Variants in VMP1 observed in about 807,000 individuals in gnomAD.
VMP1 encodes ectopic P-granules autophagy protein 3 homolog.
In VMP1, 11 loss-of-function variants were observed where a neutral mutation model predicts 56.0. That is an observed-to-expected ratio of 0.20 (90% CI 0.12 to 0.32). The LOEUF (loss-of-function observed/expected upper bound fraction) is 0.32. Among genes scored for constraint, VMP1 ranks in the 10% least tolerant of loss-of-function variants. The pLI is 1.00. For synonymous variants in VMP1, 149 were observed against 165.0 expected (o/e 0.90, Z 0.74); for missense variants, 296 against 490.3 (o/e 0.60, Z 3.74).
At chr17:59,805,809 A>G (rs1202605284) in intron 7 of VMP1, among the ~76,000 whole-genome samples, 1 of 152,150 alleles carries the variant, frequency 6.6e-6, no homozygotes, top group African/African-American at 2.4e-5. Flanking sequence ...ATGCTGATAG[A>G]AAAATATTCC....
At chr17:59,746,527 C>G (rs938951395) in intron 5 of VMP1, among the ~76,000 whole-genome samples, 1 of 152,136 alleles carries the variant, frequency 6.6e-6, no homozygotes, top group Non-Finnish European at 1.5e-5. Flanking sequence ...TCTTAGAAGT[C>G]CTCATCACTT....
chr17:59,779,701 A>C (rs1365094880), intron 7 of VMP1, among the ~76,000 whole-genome samples: 5 of 152,206 alleles, frequency 3.3e-5, no homozygotes, highest in Non-Finnish European at 5.9e-5. Context: ...TTAAACTAAG[A>C]AAAGTCATTC....
At chr17:59,818,186 C>A (rs1302219067) in intron 10 of VMP1, among the ~76,000 whole-genome samples, 3 of 152,068 alleles carry the variant, frequency 2.0e-5, no homozygotes. Flanking sequence ...AAATGTAAAT[C>A]TTACATAAAA....
chr17:59,736,033 A>G (rs2035003435), intron 3 of VMP1, among the ~76,000 whole-genome samples: 2 of 152,214 alleles, frequency 1.3e-5, no homozygotes, highest in Non-Finnish European at 2.9e-5. Flanking sequence ...TATTGTACTA[A>G]GAGTTTATAA....
intron 7 of VMP1, among the ~76,000 whole-genome samples, chr17:59,776,983 G>A (rs2036639082): frequency 1.3e-5 from 2 of 151,874 alleles, no homozygotes; most frequent in Non-Finnish European, 2.9e-5. Flanking sequence ...TTACATCTCT[G>A]GCTTGCCTTC....
In VMP1 at chr17:59,839,917, G is replaced by T; in HGVS notation, c.*6G>T. Reference sequence around the variant, plus strand: ...CAGAGGAGAAAACTAAATAAGTAGAGAAAGTTTTAAACTGCAGAAATTGGA... The same window carrying T: ...CAGAGGAGAAAACTAAATAAGTAGATAAAGTTTTAAACTGCAGAAATTGGA... On this transcript the variant is annotated 3_prime_UTR_variant, in exon 12 of 12. Transcript: ENST00000262291. The T allele has an allele frequency of 6.2e-7, 1 of 1,609,980 alleles. No individual in the cohort carries two copies. Among genetic ancestry groups the T allele is most frequent in the Non-Finnish European group, 8.5e-7 (1 of 1,179,242 alleles).
intron 7 of VMP1, among the ~76,000 whole-genome samples, chr17:59,801,177 T>G (rs997799134): frequency 2.7e-5 from 4 of 148,030 alleles, no homozygotes; most frequent in African/African-American, 9.8e-5. Flanking sequence ...ATATAGTACA[T>G]AATACTTGAT....
chr17:59,738,948 G>T lies in VMP1; in HGVS notation c.414+1G>T. The T allele has an allele frequency of 6.3e-7, 1 of 1,575,852 alleles. No homozygotes were observed. Among genetic ancestry groups the T allele is most frequent in the Non-Finnish European group, 8.6e-7 (1 of 1,165,768 alleles). On this transcript the variant is annotated splice_donor_variant, in intron 5 of 11. Coordinates refer to ENST00000262291, the MANE Select transcript of VMP1 (RefSeq NM_030938.5). LOFTEE classifies it high-confidence loss of function. Reference sequence around the variant, plus strand: ...GCTGCACACCTTTCTGCTTTATCTGGTAAGAATAATTTTATTTTAATAAGC... The same window carrying T: ...GCTGCACACCTTTCTGCTTTATCTGTTAAGAATAATTTTATTTTAATAAGC...
intron 10 of VMP1, among the ~76,000 whole-genome samples, chr17:59,819,895 A>G (rs2038379927): frequency 6.6e-6 from 1 of 152,214 alleles, no homozygotes; most frequent in African/African-American, 2.4e-5. Context: ...GAAGTTTTTC[A>G]GCTACTCCTG....
intron 5 of VMP1, among the ~76,000 whole-genome samples, chr17:59,747,483 C>T (rs1474675727): frequency 2.0e-5 from 3 of 150,288 alleles, no homozygotes; most frequent in Admixed American, 6.7e-5. Flanking sequence ...AATCTCGGCT[C>T]GCCACAACTT....
In VMP1 at chr17:59,825,077, A is replaced by AT. The variant is rs747807694; in HGVS notation, c.974+7331dup. Among the ~76,000 whole-genome samples, 524 of 70,102 alleles carry AT rather than the reference A, an allele frequency of 7.5e-3. 14 individuals are homozygous for AT. The highest frequency in any genetic ancestry group is 0.017 in the Middle Eastern group (2 of 120). 46.0% of individuals were successfully genotyped at this position (70,102 alleles called of 152,430 possible). ...CTCAAAAGGCATTATGTTAGTTGTG[A>AT]TTTTTTTTTTTTTTTTTTTTTTTTT... On this transcript the variant is annotated intron_variant, in intron 10 of 11. Coordinates refer to ENST00000262291, the MANE Select transcript of VMP1 (RefSeq NM_030938.5).
At chr17:59,730,442 C>T (rs1032892243) in intron 1 of VMP1, among the ~76,000 whole-genome samples, 4 of 152,026 alleles carry the variant, frequency 2.6e-5, no homozygotes, top group Non-Finnish European at 4.4e-5. Flanking sequence ...ATTTATTTAT[C>T]TTATGTAGGA....
rs191624991 is a variant in VMP1 at position 59,795,114 on chromosome 17, T to A, written c.715-13682T>A. 3.3e-3 allele frequency among the ~76,000 whole-genome samples: 507 copies of A among 151,762 alleles called. 6 individuals carry two copies. The highest frequency in any genetic ancestry group is 6.8e-3 in the Middle Eastern group (2 of 294). ...CCTCAGTCTCCCAAGTAGCTGCGAT[T>A]ACAGGCATGCGCCACCACGCCCAGC... On this transcript the variant is annotated intron_variant, in intron 7 of 11. Transcript: ENST00000262291.
In VMP1 at chr17:59,840,029, T is replaced by C. The variant is rs191589648; in HGVS notation, c.*118T>C. 1 of 1,406,322 alleles carries C rather than the reference T, an allele frequency of 7.1e-7. No homozygotes were observed. The highest frequency in any genetic ancestry group is 2.4e-5 in the East Asian group (1 of 41,120). The allele number at this position is 1,406,322 out of a possible 1,614,324, so 87.1% of individuals were successfully genotyped here. A position where few individuals can be genotyped will look rare whatever the true frequency, so the allele number is the denominator to read the frequency against. On this transcript the variant is annotated 3_prime_UTR_variant, in exon 12 of 12. Coordinates refer to ENST00000262291, the MANE Select transcript of VMP1 (RefSeq NM_030938.5). ...AACCTGTATCAATTTTTACAACTTT[T>C]TTCCTGAAAGCAGTTTAGTCCATAC...
chr17:59,722,621 G>A (rs1004506766), intron 1 of VMP1, among the ~76,000 whole-genome samples: 4 of 152,100 alleles, frequency 2.6e-5, no homozygotes, highest in Non-Finnish European at 4.4e-5. Flanking sequence ...CTAGCAGATC[G>A]CCTGAGGTCA....
intron 6 of VMP1, among the ~76,000 whole-genome samples, chr17:59,771,027 C>T (rs892725460): frequency 6.6e-6 from 1 of 151,510 alleles, no homozygotes; most frequent in Non-Finnish European, 1.5e-5. Context: ...ACTCCATAGC[C>T]TTGTGTATTT....
At chr17:59,788,182 C>T (rs569336081) in intron 7 of VMP1, among the ~76,000 whole-genome samples, 1 of 152,210 alleles carries the variant, frequency 6.6e-6, no homozygotes, top group Admixed American at 6.5e-5. Flanking sequence ...GGTTGCTTTG[C>T]ACATTGGAGT....
At chr17:59,784,333 A>G (rs1450700675) in intron 7 of VMP1, among the ~76,000 whole-genome samples, 1 of 151,874 alleles carries the variant, frequency 6.6e-6, no homozygotes, top group African/African-American at 2.4e-5. Flanking sequence ...TCCCATCTGC[A>G]TGTCTACTTT....
intron 1 of VMP1, among the ~76,000 whole-genome samples, chr17:59,724,816 A>T (rs978040727): frequency 2.0e-5 from 3 of 151,864 alleles, no homozygotes; most frequent in Non-Finnish European, 4.4e-5. Context: ...ATACAAAAAA[A>T]TTAGCCGGGC....
Sources: allele counts gnomAD v4.1 joint callset (sites outside exome capture counted in the v4.1 genomes callset), GRCh38; gene constraint gnomAD v4.1.1; transcripts MANE v1.5; gene names NCBI Gene and HGNC (gene_info 2026-07-23, HGNC 2026-07-21).